SCARB2: variants seen among roughly 807,000 people sequenced by gnomAD.
SCARB2 encodes the protein scavenger receptor class B member 2, also known as lysosome membrane protein 2.
Under a neutral mutation model 58.6 loss-of-function variants are expected in SCARB2, and 29 were observed. The ratio of observed to expected loss-of-function variants is 0.49; its 90% CI spans 0.37 to 0.67. The LOEUF is 0.67. Among genes scored for constraint, SCARB2 ranks in the 30% least tolerant of loss-of-function variants. The pLI is 0.00. For missense variants in SCARB2, 488 were observed against 578.5 expected, an observed-to-expected ratio of 0.84 and a Z score of 1.60; for synonymous variants, 195 against 210.1, an observed-to-expected ratio of 0.93 and a Z score of 0.62.
chr4:76,214,239 T>C (rs1733155084), upstream of SCARB2: 2 of 454,874 alleles, frequency 4.4e-6, no homozygotes, highest in Admixed American at 4.7e-5. Context: ...TACAACACAA[T>C]GTAGCAAGTG....
chr4:76,162,695 C>A, intron 11 of SCARB2: 1 of 171,346 alleles, frequency 5.8e-6, no homozygotes. Context: ...TTTAATAATA[C>A]TTAAACCTTT....
In SCARB2 at chr4:76,161,208, G is replaced by A. The variant is rs1731890644; in HGVS notation, c.*505C>T. On this transcript the variant is annotated 3_prime_UTR_variant, in exon 12 of 12. Transcript: ENST00000264896. ...TATGTTTTAGAAATCAGATGCATTT[G>A]AATGATATATTGGATGAAGCTACCA... 6.2e-6 allele frequency: 1 copy of A among 162,134 alleles called. No homozygotes were observed. The highest frequency in any genetic ancestry group is 1.4e-5 in the Non-Finnish European group (1 of 73,226). 10.0% of individuals were successfully genotyped at this position (162,134 alleles called of 1,614,324 possible). A position where few individuals can be genotyped will look rare whatever the true frequency, so the allele number is the denominator to read the frequency against.
At chr4:76,167,806 C>T (rs550639191) in intron 9 of SCARB2, among the ~76,000 whole-genome samples, 67 of 151,788 alleles carry the variant, frequency 4.4e-4, no homozygotes, top group African/African-American at 1.6e-3. Flanking sequence ...CTCAGCCTCC[C>T]GAATAGCTGG....
chr4:76,230,912 C>CAGG (rs534457649), intron 1 of SCARB2, among the ~76,000 whole-genome samples: 199 of 152,312 alleles, frequency 1.3e-3, no homozygotes, highest in African/African-American at 4.5e-3. Context: ...GCTTAATTGG[C>CAGG]AGGAATCAGC....
intron 1 of SCARB2, among the ~76,000 whole-genome samples, chr4:76,222,642 C>A (rs1288452144): frequency 6.6e-6 from 1 of 152,224 alleles, no homozygotes; most frequent in East Asian, 1.9e-4. Context: ...CCTTCACATT[C>A]TTTCAGAGTC....
At chr4:76,205,518 C>T (rs1245090868) in intron 1 of SCARB2, among the ~76,000 whole-genome samples, 2 of 152,152 alleles carry the variant, frequency 1.3e-5, no homozygotes, top group African/African-American at 4.8e-5. Flanking sequence ...TCTCTCAAAA[C>T]ATCATGTTGC....
At chr4:76,203,334 C>T (rs1732867217) in intron 1 of SCARB2, among the ~76,000 whole-genome samples, 2 of 152,114 alleles carry the variant, frequency 1.3e-5, no homozygotes, top group Admixed American at 6.5e-5. Context: ...GGTCTAGAGA[C>T]AAAAAGTTTT....
chr4:76,187,224 T>C (rs564354937), intron 2 of SCARB2, among the ~76,000 whole-genome samples: 117 of 152,310 alleles, frequency 7.7e-4, no homozygotes, highest in African/African-American at 2.7e-3. Context: ...TCAGACCTGA[T>C]AGAAATGTTG....
At chr4:76,232,801 A>G (rs1034865195) in intron 1 of SCARB2, among the ~76,000 whole-genome samples, 51 of 152,216 alleles carry the variant, frequency 3.4e-4, no homozygotes, top group Non-Finnish European at 1.0e-4. Context: ...TGATTTTTGG[A>G]AGGCTGTTAA....
chr4:76,220,996 CT>C lies in SCARB2; in HGVS notation c.-358+13306del, dbSNP rs150439048. On this transcript the variant is annotated intron_variant, in intron 1 of 11. Transcript: ENST00000638295. ...GTCCTCTTTATTTCCCCATGGGAAA[CT>C]GTACAACTCACAGGCCCCAAGGTCC... 3.9e-3 allele frequency among the ~76,000 whole-genome samples: 589 copies of C among 152,276 alleles called. 6 individuals are homozygous for C. Among genetic ancestry groups the C allele is most frequent in the African/African-American group, 0.014 (566 of 41,544 alleles).
chr4:76,205,848 T>C (rs1732919999), intron 1 of SCARB2, among the ~76,000 whole-genome samples: 2 of 152,342 alleles, frequency 1.3e-5, no homozygotes, highest in South Asian at 4.1e-4. Context: ...GTAAGGAGTG[T>C]CAGATATAGA....
At chr4:76,227,275 T>C (rs1266444950) in intron 1 of SCARB2, among the ~76,000 whole-genome samples, 6 of 152,210 alleles carry the variant, frequency 3.9e-5, no homozygotes, top group Admixed American at 2.0e-4. Context: ...ATTTCATTGT[T>C]GTTCCAAAGA....
Position 76,213,736 on chromosome 4 carries a change from G to A in SCARB2, c.-193C>T, listed in dbSNP as rs912354440. On this transcript the variant is annotated 5_prime_UTR_variant, in exon 1 of 12. Transcript: ENST00000264896. ...AGCGCGGCCCCGGGTGCACCGGGCGGATGGGGCCGCGGAGGGACGGGCCCG... is the reference window on the plus strand; with the variant it reads ...AGCGCGGCCCCGGGTGCACCGGGCGAATGGGGCCGCGGAGGGACGGGCCCG... The A allele has an allele frequency of 5.1e-5, 25 of 488,266 alleles. No individual in the cohort carries two copies. Among genetic ancestry groups the A allele is most frequent in the African/African-American group, 1.3e-4 (6 of 47,874 alleles). The allele number at this position is 488,266 out of a possible 1,614,324, so 30.2% of individuals were successfully genotyped here. A position where few individuals can be genotyped will look rare whatever the true frequency, so the allele number is the denominator to read the frequency against.
chr4:76,225,223 G>A lies in SCARB2; in HGVS notation c.-358+9080C>T, dbSNP rs181915445. ...CTTGAGCTGGTTCCATATTTTTCCA[G>A]TTGTGTATTGTGCTGCTATAAAGAC... On this transcript the variant is annotated intron_variant, in intron 1 of 11. Transcript: ENST00000638295. Among the ~76,000 whole-genome samples the A allele has an allele frequency of 1.7e-3, 253 of 152,236 alleles. 1 individual carries two copies. The highest frequency in any genetic ancestry group is 6.1e-3 in the African/African-American group (253 of 41,526).
intron 7 of SCARB2, chr4:76,173,845 A>G (rs1560707643): frequency 1.1e-5 from 4 of 361,124 alleles, no homozygotes; most frequent in Non-Finnish European, 2.1e-5. Flanking sequence ...AAAAGCCATG[A>G]TTTTTTTTTA....
chr4:76,196,824 G>A (rs917766697), intron 1 of SCARB2, among the ~76,000 whole-genome samples: 1 of 152,190 alleles, frequency 6.6e-6, no homozygotes, highest in Admixed American at 6.5e-5. Flanking sequence ...CCCCTGTTCT[G>A]TGTTACAGGA....
At chr4:76,215,019 G>A (rs1040565783), upstream of SCARB2, among the ~76,000 whole-genome samples, 3 of 152,230 alleles carry the variant, frequency 2.0e-5, no homozygotes, top group African/African-American at 7.2e-5. Context: ...TAGCCAAATG[G>A]GCTTGTCCCA....
chr4:76,179,557 A>G lies in SCARB2; in HGVS notation c.572T>C (p.Phe191Ser), dbSNP rs1214861300. 1 of 1,614,102 alleles carries G rather than the reference A, an allele frequency of 6.2e-7. No homozygotes were observed. Among genetic ancestry groups the G allele is most frequent in the Non-Finnish European group, 8.5e-7 (1 of 1,180,024 alleles). The change falls in exon 4 of 12, where the codon TTC becomes TCC. Residue 191 changes from phenylalanine to serine, a missense_variant. By Grantham distance (155) the Phe-to-Ser change is radical. Transcript: ENST00000264896. Reference protein sequence around the residue: ...KDEILSLIHVFRPDISPYFGL... With the variant: ...KDEILSLIHVSRPDISPYFGL... The stretch of plus-strand genomic sequence containing the variant: ...AAAATAGGGAGAGATATCGGGCCTG[A>G]AAACATGGATAAGGGACAAGATTTC...
chr4:76,191,039 CAG>C (rs1560714398), intron 2 of SCARB2, among the ~76,000 whole-genome samples: 1 of 152,120 alleles, frequency 6.6e-6, no homozygotes, highest in East Asian at 1.9e-4. Context: ...GGATAGTTTG[CAG>C]AGTCTCCATC....
Sources: allele counts gnomAD v4.1 joint callset (sites outside exome capture counted in the v4.1 genomes callset), GRCh38; gene constraint gnomAD v4.1.1; transcripts MANE v1.5; gene names NCBI Gene and HGNC (gene_info 2026-07-23, HGNC 2026-07-21).